The following DDX11 variants were observed in gnomAD, a reference collection of about 807,000 sequenced individuals.
DDX11 encodes the protein DEAD/H-box helicase 11, also known as ATP-dependent DNA helicase DDX11.
DDX11 carries 72 observed loss-of-function variants against 125.2 expected under a neutral mutation model. The ratio of observed to expected loss-of-function variants is 0.58; its 90% confidence interval spans 0.48 to 0.70. DDX11 has a LOEUF of 0.70. Among genes scored for constraint, DDX11 ranks in the 30% least tolerant of loss-of-function variants. The pLI is 0.00. For missense variants in DDX11, 883 were observed against 1,165.0 expected, an observed-to-expected ratio of 0.76 and a Z score of 3.52; for synonymous variants, 347 against 452.6, an observed-to-expected ratio of 0.77 and a Z score of 2.96.
chr12:31,083,692 C>T, intron 2 of DDX11, 121 bp from the exon 3 acceptor site: 7 of 1,306,558 alleles, frequency 5.4e-6, no homozygotes, highest in Non-Finnish European at 7.7e-6. Context: ...CTAGGCTGGT[C>T]TTAGAGCATC....
At chr12:31,081,241 CTGT>C (rs1277470969) in intron 2 of DDX11, among the ~76,000 whole-genome samples, 1 of 152,202 alleles carries the variant, frequency 6.6e-6, no homozygotes, top group East Asian at 1.9e-4. Context: ...TGACATTCTT[CTGT>C]CTTCTAAATC....
chr12:31,099,534 ATTAC>A (rs1410367685), intron 18 of DDX11, among the ~76,000 whole-genome samples: 1 of 150,640 alleles, frequency 6.6e-6, no homozygotes. Flanking sequence ...TAGTACCAAT[ATTAC>A]TTCTAACAAT....
intron 10 of DDX11, 93 bp from the exon 11 acceptor site, chr12:31,092,753 T>G (rs944856430): frequency 1.5e-6 from 2 of 1,364,638 alleles, no homozygotes; most frequent in Admixed American, 3.5e-5. Context: ...GCTTCCTGTG[T>G]GTCCAGGGCC....
At chr12:31,086,399 T>C (rs4012619) in intron 5 of DDX11, among the ~76,000 whole-genome samples, 67,466 of 141,284 alleles carry the variant, frequency 0.48, 14,265 homozygotes, top group East Asian at 0.75. Context: ...TAAAATCGAG[T>C]TGACATGAAT....
At chr12:31,101,365 A>G (rs1946346487) in intron 20 of DDX11, 1 of 587,688 alleles carries the variant, frequency 1.7e-6, no homozygotes, top group Non-Finnish European at 3.1e-6. Flanking sequence ...TAAAACCTCC[A>G]GGCATCCTCT....
At chr12:31,097,708 G>A (rs1475326365) in intron 17 of DDX11, among the ~76,000 whole-genome samples, 177 bp from the exon 18 acceptor site, 1 of 150,766 alleles carries the variant, frequency 6.6e-6, no homozygotes, top group Non-Finnish European at 1.5e-5. Context: ...GGATGGAGAG[G>A]ACAGTGTGGT....
At chr12:31,078,627 G>T in intron 2 of DDX11, 90 bp downstream of exon 2, 1 of 1,585,280 alleles carries the variant, frequency 6.3e-7, no homozygotes, top group Non-Finnish European at 8.6e-7. Context: ...GATTTTCATA[G>T]TTTGAAGTTG....
chr12:31,074,128 A>C (rs1344405088), intron 1 of DDX11, 37 bp downstream of exon 1: 1 of 152,056 alleles, frequency 6.6e-6, no homozygotes, highest in African/African-American at 2.4e-5. Flanking sequence ...ACATTCCGGA[A>C]GTGGAGGGCC....
chr12:31,101,517 C>T (rs564729010), intron 20 of DDX11: 10 of 497,252 alleles, frequency 2.0e-5, no homozygotes, highest in Admixed American at 9.8e-5. Context: ...CCCTGATTGT[C>T]GTTGTGGTGC....
rs769112903 is a variant in DDX11 at position 31,101,870 on chromosome 12, G to T, written c.2090G>T (p.Gly697Val). Residue 697 changes from glycine (G) to valine (V), a missense_variant, in exon 21 of 27, where the codon GGT becomes GTT. By Grantham distance (109) the Gly-to-Val change is moderately radical. Coordinates refer to ENST00000542838, the MANE Select transcript of DDX11 (RefSeq NM_030653.4). ...GGTCGCATTCTCTGTAACCTGTGCG[G>T]TGTGGTTCCTGGAGGGGTGGTCTGT... The part of the protein sequence containing the change: ...EVGRILCNLC[G>V]VVPGGVVCFF... 6.2e-7 allele frequency: 1 copy of T among 1,613,846 alleles called. No individual in the cohort carries two copies. Among genetic ancestry groups the T allele is most frequent in the Non-Finnish European group, 8.5e-7 (1 of 1,179,868 alleles).
chr12:31,098,601 A>C (rs374550728), intron 18 of DDX11, among the ~76,000 whole-genome samples: 1 of 147,368 alleles, frequency 6.8e-6, no homozygotes, highest in South Asian at 2.2e-4. Context: ...TGACTGTGAT[A>C]AATATAACCG....
At chr12:31,078,191 C>A in intron 1 of DDX11, 199 bp from the exon 2 acceptor site, 1 of 1,517,732 alleles carries the variant, frequency 6.6e-7, no homozygotes, top group African/African-American at 1.4e-5. Flanking sequence ...TTAAATGCCG[C>A]TAGATGGAGT....
chr12:31,092,451 A>G (rs1472592117), intron 10 of DDX11, among the ~76,000 whole-genome samples: 2 of 152,126 alleles, frequency 1.3e-5, no homozygotes, highest in Middle Eastern at 3.2e-3. Context: ...GAAAACCCCC[A>G]CGACATCCCA....
chr12:31,102,364 G>C (rs779147731), intron 22 of DDX11, 53 bp downstream of exon 22: 3 of 1,609,570 alleles, frequency 1.9e-6, no homozygotes, highest in Non-Finnish European at 1.7e-6. Flanking sequence ...GTGGCAGCTG[G>C]AAACGTTGTG....
intron 12 of DDX11, 163 bp from the exon 13 acceptor site, chr12:31,094,427 C>T (rs1944850554): frequency 1.5e-6 from 2 of 1,315,014 alleles, no homozygotes; most frequent in Non-Finnish European, 2.1e-6. Context: ...CACCTGCCCT[C>T]TCAGTGGGTC....
At chr12:31,074,956 A>G (rs1940491364) in intron 1 of DDX11, among the ~76,000 whole-genome samples, 1 of 152,254 alleles carries the variant, frequency 6.6e-6, no homozygotes, top group African/African-American at 2.4e-5. Context: ...GGAGGACACA[A>G]CTGAGCCCAC....
At chr12:31,093,198 G>A in intron 11 of DDX11, 47 bp from the exon 12 acceptor site, 1 of 1,569,964 alleles carries the variant, frequency 6.4e-7, no homozygotes, top group Non-Finnish European at 8.7e-7. Flanking sequence ...GGCGGGGCGA[G>A]TCGCCATCAG....
chr12:31,102,116 G>C, intron 21 of DDX11, 127 bp from the exon 22 acceptor site: 1 of 1,216,398 alleles, frequency 8.2e-7, no homozygotes. Context: ...TGACTACAGA[G>C]GATTTCCCCC....
At chr12:31,074,362 G>A (rs1420820304) in intron 1 of DDX11, 1 of 152,136 alleles carries the variant, frequency 6.6e-6, no homozygotes, top group Non-Finnish European at 1.5e-5. Flanking sequence ...TGTCTCTTAC[G>A]GAAACTGAGC....
Sources: allele counts gnomAD v4.1 joint callset (sites outside exome capture counted in the v4.1 genomes callset), GRCh38; gene constraint gnomAD v4.1.1; transcripts MANE v1.5; gene names NCBI Gene and HGNC (gene_info 2026-07-23, HGNC 2026-07-21).